The following TBRG4 variants were observed in gnomAD, a reference collection of about 807,000 sequenced individuals.
The protein encoded by TBRG4 is FAST kinase domain-containing protein 4.
In TBRG4, 43 loss-of-function variants were observed where a neutral mutation model predicts 65.6. The observed-to-expected ratio is 0.66, with a 90% CI of 0.51 to 0.85. The LOEUF (loss-of-function observed/expected upper bound fraction) is 0.85. Ranked by LOEUF, TBRG4 falls within the 40% of genes least tolerant of loss-of-function variation. The pLI is 0.00. For missense variants in TBRG4, 709 were observed against 787.9 expected (o/e 0.90, Z 1.20); for synonymous variants, 366 against 341.4 (o/e 1.07, Z -0.79).
intron 5 of TBRG4, 54 bp from the exon 6 acceptor site, chr7:45,103,497 T>A: frequency 7.2e-7 from 1 of 1,384,904 alleles, no homozygotes; most frequent in Non-Finnish European, 9.9e-7. Context: ...CCCAGCACGC[T>A]GTCCTCCTGC....
rs372558898 is a variant in TBRG4, at chr7:45,104,394, A to T, written c.908-138T>A. The T allele has an allele frequency of 6.4e-6, 10 of 1,562,300 alleles. No homozygotes were observed. The South Asian group carries it at 1.1e-4, about 17-fold the overall frequency. On this transcript the variant is annotated intron_variant, in intron 4 of 10. Transcript: ENST00000258770. ...ATCCCTGAGCCTGGGACACAGGAACAGGGCCCATGAGTCACAGTGTTTCTG... is the reference window on the plus strand; with the variant it reads ...ATCCCTGAGCCTGGGACACAGGAACTGGGCCCATGAGTCACAGTGTTTCTG...
chr7:45,102,926 C>A (rs1176565569), intron 6 of TBRG4: 1 of 316,154 alleles, frequency 3.2e-6, no homozygotes, highest in Non-Finnish European at 6.0e-6. Flanking sequence ...CTGTGCCAGA[C>A]AAACCCCTGA....
intron 2 of TBRG4, chr7:45,106,990 C>T (rs1211457138): frequency 6.6e-6 from 1 of 152,106 alleles, no homozygotes; most frequent in African/African-American, 2.4e-5. Flanking sequence ...GACGCGGCAC[C>T]CAAGCATGCC....
intron 1 of TBRG4, chr7:45,111,235 C>G (rs1407352555): frequency 1.3e-5 from 2 of 154,590 alleles, no homozygotes; most frequent in African/African-American, 4.8e-5. Context: ...CCGGAGTGAG[C>G]CACCGCGCCC....
chr7:45,108,957 T>TC lies in TBRG4; in HGVS notation c.280dup (p.Asp94GlyfsTer20), dbSNP rs1236409362. Reference sequence around the variant, plus strand: ...CATTGCTGCTTGATTGCTGTCCAAGTCGTGACTGCCACCAAGTAGCTCCAG... The same window carrying TC: ...CATTGCTGCTTGATTGCTGTCCAAGTCCGTGACTGCCACCAAGTAGCTCCAG... On this transcript the variant is annotated frameshift_variant, in exon 2 of 11. Coordinates refer to ENST00000258770, the MANE Select transcript of TBRG4 (RefSeq NM_004749.4). LOFTEE classifies it high-confidence loss of function. 1 of 1,612,668 alleles carries TC rather than the reference T, an allele frequency of 6.2e-7. No homozygotes were observed. Among genetic ancestry groups the TC allele is most frequent in the East Asian group, 2.2e-5 (1 of 44,884 alleles).
intron 2 of TBRG4, 133 bp from the exon 3 acceptor site, chr7:45,105,897 A>T: frequency 5.3e-6 from 6 of 1,135,128 alleles, no homozygotes; most frequent in Non-Finnish European, 7.8e-6. Context: ...TCAGTTCCCC[A>T]CTCCATTGTA....
Position 45,100,212 on chromosome 7 carries a change from C to G in TBRG4, c.*113G>C. On this transcript the variant is annotated 3_prime_UTR_variant, in exon 11 of 11. Transcript: ENST00000258770. Reference sequence around the variant, plus strand: ...GTCCCTCAGAGTGGCTGGCCACCCTCCCCACTCTGGCCAAGGTCCTGCACA... The same window carrying G: ...GTCCCTCAGAGTGGCTGGCCACCCTGCCCACTCTGGCCAAGGTCCTGCACA... 1.3e-6 allele frequency: 1 copy of G among 795,590 alleles called. No individual in the cohort carries two copies. Among genetic ancestry groups the G allele is most frequent in the Non-Finnish European group, 2.0e-6 (1 of 507,512 alleles). 49.3% of individuals were successfully genotyped at this position (795,590 alleles called of 1,614,324 possible). A position where few individuals can be genotyped will look rare whatever the true frequency, so the allele number is the denominator to read the frequency against.
Position 45,102,337 on chromosome 7 carries a change from G to A in TBRG4, c.1321+10C>T, listed in dbSNP as rs376433015. 3.1e-6 allele frequency: 5 copies of A among 1,614,036 alleles called. No individual in the cohort carries two copies. Among genetic ancestry groups the A allele is most frequent in the Non-Finnish European group, 2.5e-6 (3 of 1,179,996 alleles). On this transcript the variant is annotated intron_variant, in intron 7 of 10. Coordinates refer to ENST00000258770, the MANE Select transcript of TBRG4 (RefSeq NM_004749.4). ...CCCAGTTCCAGTAGTACTAGGGGCAGGGGGCTCACCTAGAAATTGGATGTG... is the reference window on the plus strand; with the variant it reads ...CCCAGTTCCAGTAGTACTAGGGGCAAGGGGCTCACCTAGAAATTGGATGTG...
At chr7:45,104,919 C>A in intron 3 of TBRG4, 1 of 848,124 alleles carries the variant, frequency 1.2e-6, no homozygotes, top group Non-Finnish European at 2.0e-6. Flanking sequence ...TGTCCACAGC[C>A]AAACTTATCC....
chr7:45,111,694 C>T lies in TBRG4; in HGVS notation c.-102G>A, dbSNP rs560384962. 4 of 1,289,254 alleles carry T rather than the reference C, an allele frequency of 3.1e-6. No homozygotes were observed. The highest frequency in any genetic ancestry group is 4.0e-6 in the Non-Finnish European group (4 of 988,858). 79.9% of individuals were successfully genotyped at this position (1,289,254 alleles called of 1,614,324 possible). ...TCCGCCGCCCTAACTGTCCCCGGAA[C>T]CATGAGGTGCGCGGCGCGCTTCCCT... On this transcript the variant is annotated 5_prime_UTR_variant, in exon 1 of 11. Transcript: ENST00000258770.
chr7:45,100,376 G>A lies in TBRG4; in HGVS notation c.1845C>T (p.Ala615=), dbSNP rs1217371719. 1 of 1,614,084 alleles carries A rather than the reference G, an allele frequency of 6.2e-7. No individual in the cohort carries two copies. Among genetic ancestry groups the A allele is most frequent in the African/African-American group, 1.3e-5 (1 of 74,948 alleles). The change falls in exon 11 of 11, where the codon GCC becomes GCT. Residue 615 remains alanine, a synonymous_variant. Transcript: ENST00000258770. ...CTTTGCGCATCTTGTCCTTGAGGTA[G>A]GCGCCTTTCTGCCATTCAGACTTGA... ...LELKSEWQKG[A]YLKDKMRKAV...
Position 45,103,426 on chromosome 7 carries a change from C to A in TBRG4, c.1083G>T (p.Ala361=). The A allele has an allele frequency of 1.9e-6, 3 of 1,613,530 alleles. No individual in the cohort carries two copies. Among genetic ancestry groups the A allele is most frequent in the South Asian group, 1.1e-5 (1 of 90,950 alleles). ...EAFAQHVLNR[A]QDITLPHLCS... is the part of the protein sequence containing the mutation. Reference sequence around the variant, plus strand: ...ACAGGTGGGGCAGGGTGATGTCCTGCGCTCTGTTCAGGACGTGCTGGGTGG... The same window carrying A: ...ACAGGTGGGGCAGGGTGATGTCCTGAGCTCTGTTCAGGACGTGCTGGGTGG... Residue 361 remains alanine, a synonymous_variant, in exon 6 of 11, where the codon GCG becomes GCT. Coordinates refer to ENST00000258770, the MANE Select transcript of TBRG4 (RefSeq NM_004749.4).
chr7:45,108,761 G>A, intron 2 of TBRG4, 66 bp downstream of exon 2: 1 of 1,390,840 alleles, frequency 7.2e-7, no homozygotes, highest in Non-Finnish European at 9.6e-7. Context: ...ACTGGCTGCT[G>A]TGGACCCCAG....
In TBRG4 at chr7:45,102,066, G is replaced by GC; in HGVS notation, c.1325dup (p.Lys443GlnfsTer44). The GC allele has an allele frequency of 6.4e-7, 1 of 1,569,144 alleles. No homozygotes were observed. The highest frequency in any genetic ancestry group is 8.6e-7 in the Non-Finnish European group (1 of 1,164,670). ...AGGTGTTCTGATCCTTCTGAGACTT[G>GC]CCCCCTAGGAGACAAGGAGAAAGAA... is the stretch of plus-strand genomic sequence containing the variant. On this transcript the variant is annotated frameshift_variant, in exon 8 of 11. Coordinates refer to ENST00000258770, the MANE Select transcript of TBRG4 (RefSeq NM_004749.4). LOFTEE classifies it high-confidence loss of function.
chr7:45,102,727 C>T lies in TBRG4; in HGVS notation c.1177-236G>A, dbSNP rs1784809013. On this transcript the variant is annotated intron_variant, in intron 6 of 10. Transcript: ENST00000258770. ...GACCACTCTGAACAGCAGAAGAGTG[C>T]TGCTGAATGCTGGCATTTGATTAGG... The T allele has an allele frequency of 7.3e-6, 4 of 547,328 alleles. No homozygotes were observed. In the East Asian group the frequency reaches 1.2e-4, roughly 17 times the overall value. 33.9% of individuals were successfully genotyped at this position (547,328 alleles called of 1,614,324 possible). A position where few individuals can be genotyped will look rare whatever the true frequency, so the allele number is the denominator to read the frequency against.
At chr7:45,105,088 C>A (rs757329297) in intron 3 of TBRG4, 1 of 680,588 alleles carries the variant, frequency 1.5e-6, no homozygotes, top group East Asian at 3.0e-5. Context: ...AGAGTTCTAG[C>A]CAGAAGCCAG....
In TBRG4 at chr7:45,103,353, C is replaced by T. The variant is rs764541757; in HGVS notation, c.1156G>A (p.Glu386Lys). The change falls in exon 6 of 11, where the codon GAG becomes AAG. Residue 386 changes from glutamate to lysine, a missense_variant. Physicochemically the swap from Glu to Lys is moderately conservative, Grantham distance 56. Coordinates refer to ENST00000258770, the MANE Select transcript of TBRG4 (RefSeq NM_004749.4). Reference sequence around the variant, plus strand: ...CCTACCAGGCTGAAGAACTGATCCTCTTGGTCTGGATGGAAGTTCAGACGC... The same window carrying T: ...CCTACCAGGCTGAAGAACTGATCCTTTTGGTCTGGATGGAAGTTCAGACGC... Reference protein sequence around the residue: ...FARLNFHPDQEDQFFSLVHEK... With the variant: ...FARLNFHPDQKDQFFSLVHEK... 29 of 1,613,532 alleles carry T rather than the reference C, an allele frequency of 1.8e-5. No individual in the cohort carries two copies. In the South Asian group the frequency reaches 2.3e-4, roughly 13 times the overall value.
intron 5 of TBRG4, 149 bp downstream of exon 5, chr7:45,103,950 T>G: frequency 8.7e-7 from 1 of 1,155,120 alleles, no homozygotes; most frequent in Non-Finnish European, 1.2e-6. Flanking sequence ...ATAGCAGCCC[T>G]TTCAAAATAA....
In TBRG4 at chr7:45,100,316, T is replaced by G. The variant is rs781709089; in HGVS notation, c.*9A>C. 10 of 1,613,276 alleles carry G rather than the reference T, an allele frequency of 6.2e-6. No homozygotes were observed. The highest frequency in any genetic ancestry group is 2.7e-5 in the African/African-American group (2 of 75,054). On this transcript the variant is annotated 3_prime_UTR_variant, in exon 11 of 11. Coordinates refer to ENST00000258770, the MANE Select transcript of TBRG4 (RefSeq NM_004749.4). ...CGGAGAGGCACGCAGTCCATGCTGC[T>G]GGCACAAGTCACTTGGCCAGCTCCT...
Sources: gnomAD v4.1 joint callset for allele counts on GRCh38, gnomAD v4.1.1 for gene constraint, MANE v1.5 for transcripts, NCBI Gene and HGNC (gene_info 2026-07-23, HGNC 2026-07-21) for gene names.